Variants in ANO3 observed in about 807,000 individuals in gnomAD.
ANO3 encodes anoctamin 3.
In ANO3, 99 loss-of-function variants were observed where a neutral mutation model predicts 144.8. The observed-to-expected ratio is 0.68, with a 90% CI of 0.58 to 0.81. The LOEUF (loss-of-function observed/expected upper bound fraction) is 0.81. Ranked by LOEUF, ANO3 falls within the 30% of genes least tolerant of loss-of-function variation. ANO3 has a pLI of 0.00. For synonymous variants in ANO3, 414 were observed against 392.6 expected (o/e 1.05, Z -0.64); for missense variants, 905 against 1,202.2 (o/e 0.75, Z 3.66).
At chr11:26,596,212 C>T (rs1851623975) in intron 14 of ANO3, among the ~76,000 whole-genome samples, 1 of 152,142 alleles carries the variant, frequency 6.6e-6, no homozygotes, top group African/African-American at 2.4e-5. Flanking sequence ...TTCTGTCTCT[C>T]TCTGTTTGAC....
At chr11:26,573,098 G>T (rs1850890446) in intron 14 of ANO3, among the ~76,000 whole-genome samples, 1 of 152,140 alleles carries the variant, frequency 6.6e-6, no homozygotes, top group African/African-American at 2.4e-5. Flanking sequence ...AGCTCAATAT[G>T]CCTGAGGTTC....
upstream of ANO3, among the ~76,000 whole-genome samples, chr11:26,306,723 G>A (rs76573504): frequency 0.069 from 10,528 of 152,216 alleles, 698 homozygotes; most frequent in African/African-American, 0.18. Flanking sequence ...CAGTAGTCTG[G>A]AATGGGGCTA....
Position 26,430,099 on chromosome 11 carries a change from A to G in ANO3, c.47-11819A>G, listed in dbSNP as rs191033124. Among the ~76,000 whole-genome samples, 1,394 of 152,188 alleles carry G rather than the reference A, an allele frequency of 9.2e-3. 18 individuals are homozygous for G. Among genetic ancestry groups the G allele is most frequent in the Middle Eastern group, 0.044 (13 of 294 alleles). On this transcript the variant is annotated intron_variant, in intron 1 of 26. Coordinates refer to ENST00000256737, the MANE Select transcript of ANO3 (RefSeq NM_031418.4). Reference sequence around the variant, plus strand: ...TCTCTACCAAAAATACAAAACAATAAAAAATAAAAAGATTAACCAGGCATG... The same window carrying G: ...TCTCTACCAAAAATACAAAACAATAGAAAATAAAAAGATTAACCAGGCATG...
intron 4 of ANO3, among the ~76,000 whole-genome samples, chr11:26,479,375 G>A (rs189914011): frequency 6.6e-4 from 100 of 152,210 alleles, no homozygotes; most frequent in African/African-American, 1.5e-3. Context: ...CTGCTCTCAC[G>A]CTGCTAATAA....
intron 3 of ANO3, among the ~76,000 whole-genome samples, chr11:26,453,505 A>G (rs1354662238): frequency 1.3e-5 from 2 of 152,026 alleles, no homozygotes; most frequent in Admixed American, 6.6e-5. Context: ...AATGGTAAAG[A>G]GATCAATTCA....
At chr11:26,585,619 T>C (rs530061725) in intron 14 of ANO3, among the ~76,000 whole-genome samples, 2 of 152,294 alleles carry the variant, frequency 1.3e-5, no homozygotes, top group African/African-American at 4.8e-5. Flanking sequence ...TACTTCTTTA[T>C]TGATGACACT....
chr11:26,473,168 A>G (rs2134074222), intron 4 of ANO3, among the ~76,000 whole-genome samples: 1 of 152,076 alleles, frequency 6.6e-6, no homozygotes, highest in South Asian at 2.1e-4. Context: ...TCAATTTTAA[A>G]GCATGCTTAT....
At chr11:26,220,086 G>C (rs1230643136) in intron 1 of ANO3, among the ~76,000 whole-genome samples, 1 of 152,218 alleles carries the variant, frequency 6.6e-6, no homozygotes, top group African/African-American at 2.4e-5. Context: ...GGTCAGCTAA[G>C]GTAATCTATG....
rs1309961976 is a variant in ANO3, at chr11:26,542,043, A to G, written c.1129A>G (p.Lys377Glu). 6.2e-7 allele frequency: 1 copy of G among 1,612,390 alleles called. No individual in the cohort carries two copies. The highest frequency in any genetic ancestry group is 2.2e-5 in the East Asian group (1 of 44,858). The change falls in exon 11 of 27, where the codon AAG becomes GAG. Residue 377 changes from lysine (K) to glutamate (E), a missense_variant. Lys to Glu is a moderately conservative substitution (Grantham distance 56). This residue lies in a region of ANO3 where 597 missense variants were observed against 865.1 expected (regional missense o/e 0.69). Transcript: ENST00000256737. ...CTGGGCACGCTGGGGAATGTGGTAT[A>G]AGCATCAGCCTCTGGATTTAATCAG... ...ERWARWGMWYKHQPLDLIRLY... is the reference protein window; with the variant it reads ...ERWARWGMWYEHQPLDLIRLY...
intron 14 of ANO3, among the ~76,000 whole-genome samples, chr11:26,576,644 ACTC>A (rs1299989042): frequency 1.3e-5 from 2 of 151,550 alleles, no homozygotes; most frequent in Non-Finnish European, 2.9e-5. Context: ...ACCTATTCTC[ACTC>A]CTCCTGCTGC....
intron 1 of ANO3, among the ~76,000 whole-genome samples, chr11:26,420,909 A>G (rs1017741778): frequency 7.2e-5 from 11 of 152,114 alleles, no homozygotes; most frequent in Non-Finnish European, 1.5e-4. Flanking sequence ...AAAATAAGTG[A>G]AAAACAAAGT....
In ANO3 at chr11:26,660,339, A is replaced by T; in HGVS notation, c.2841A>T (p.Arg947=). ...CAAAGGGTCTACATGACCGAATACG[A>T]CGAGAGAAGTACTTAGTTCAAGAAA... is the stretch of plus-strand genomic sequence containing the variant. ...DVPKGLHDRI[R]REKYLVQEMM... The change falls in exon 27 of 27, where the codon CGA becomes CGT. Residue 947 remains arginine (R), a synonymous_variant. Transcript: ENST00000256737. The T allele has an allele frequency of 6.2e-7, 1 of 1,613,652 alleles. No homozygotes were observed. The highest frequency in any genetic ancestry group is 8.5e-7 in the Non-Finnish European group (1 of 1,179,722).
At chr11:26,578,215 G>C (rs1851040286) in intron 14 of ANO3, among the ~76,000 whole-genome samples, 1 of 152,180 alleles carries the variant, frequency 6.6e-6, no homozygotes, top group African/African-American at 2.4e-5. Flanking sequence ...TGTTAGGTAA[G>C]TGTCTCCAGG....
chr11:26,289,893 G>A (rs1000132298), intron 1 of ANO3, among the ~76,000 whole-genome samples: 6 of 151,306 alleles, frequency 4.0e-5, no homozygotes, highest in Non-Finnish European at 8.8e-5. Context: ...TTTTTTTGTT[G>A]TATCTCTGCC....
intron 5 of ANO3, among the ~76,000 whole-genome samples, chr11:26,516,250 T>A (rs557124221): frequency 1.3e-5 from 2 of 151,696 alleles, no homozygotes; most frequent in African/African-American, 4.8e-5. Flanking sequence ...TTAGTTCTTA[T>A]TTGTTGATAC....
At chr11:26,330,290 C>T (rs769632211), upstream of ANO3, among the ~76,000 whole-genome samples, 3 of 152,068 alleles carry the variant, frequency 2.0e-5, no homozygotes, top group Non-Finnish European at 4.4e-5. Context: ...AAAAAACATC[C>T]TCGAGCAAGT....
intron 1 of ANO3, among the ~76,000 whole-genome samples, chr11:26,242,382 G>A (rs1852681837): frequency 6.6e-6 from 1 of 152,066 alleles, no homozygotes; most frequent in Non-Finnish European, 1.5e-5. Context: ...TAAGATAAAA[G>A]TGTTCACCAC....
chr11:26,616,309 T>C (rs1852259659), intron 17 of ANO3, among the ~76,000 whole-genome samples: 1 of 152,196 alleles, frequency 6.6e-6, no homozygotes, highest in East Asian at 1.9e-4. Context: ...TGTAGGTTGG[T>C]GCAAAAGTTA....
chr11:26,322,970 AT>A (rs1187832275), intron 1 of ANO3, among the ~76,000 whole-genome samples: 1 of 152,028 alleles, frequency 6.6e-6, no homozygotes, highest in Non-Finnish European at 1.5e-5. Context: ...ATGGATATAT[AT>A]TTTACACTTT....
Sources: gnomAD v4.1 joint callset for allele counts (sites outside exome capture counted in the v4.1 genomes callset) on GRCh38, gnomAD v4.1.1 for gene constraint, gnomAD v4.1.1 regional missense constraint, MANE v1.5 for transcripts, NCBI Gene and HGNC (gene_info 2026-07-23, HGNC 2026-07-21) for gene names.